Variants in PPIG observed in about 807,000 individuals in gnomAD.
The protein encoded by PPIG is peptidylprolyl isomerase G.
Under a neutral mutation model 87.9 loss-of-function variants are expected in PPIG, and 26 were observed. The observed-to-expected ratio is 0.30, with a 90% CI of 0.22 to 0.41. PPIG has a LOEUF of 0.41. Among genes scored for constraint, PPIG ranks in the 10% least tolerant of loss-of-function variants. The pLI, the probability that PPIG is intolerant of heterozygous loss-of-function variation, is 1.00. For synonymous variants in PPIG, 308 were observed against 276.5 expected (o/e 1.11, Z -1.13); for missense variants, 722 against 879.4 (o/e 0.82, Z 2.26).
At chr2:169,600,638 A>C (rs1685153988) in intron 1 of PPIG, among the ~76,000 whole-genome samples, 1 of 152,174 alleles carries the variant, frequency 6.6e-6, no homozygotes, top group African/African-American at 2.4e-5. Flanking sequence ...CATGACAGTG[A>C]GACACTTTAA....
chr2:169,637,054 G>T lies in PPIG; in HGVS notation c.1796G>T (p.Arg599Met). ...CATAGATACAGAGAACAGGAATACAGGAGAAGAGGACGGTCACGAAGCCGA... is the reference window on the plus strand; with the variant it reads ...CATAGATACAGAGAACAGGAATACATGAGAAGAGGACGGTCACGAAGCCGA... Reference protein sequence around the residue: ...EYHRYREQEYRRRGRSRSRER... With the variant: ...EYHRYREQEYMRRGRSRSRER... Residue 599 changes from arginine to methionine, a missense_variant, in exon 14 of 14, where the codon AGG becomes ATG. Arg to Met is a moderately conservative substitution (Grantham distance 91, BLOSUM62 -1). Coordinates refer to ENST00000260970, the MANE Select transcript of PPIG (RefSeq NM_004792.3). 1.2e-6 allele frequency: 2 copies of T among 1,613,698 alleles called. No homozygotes were observed. Among genetic ancestry groups the T allele is most frequent in the Non-Finnish European group, 1.7e-6 (2 of 1,179,902 alleles).
At chr2:169,595,323 A>G (rs1016970510) in intron 1 of PPIG, among the ~76,000 whole-genome samples, 1 of 152,230 alleles carries the variant, frequency 6.6e-6, no homozygotes, top group African/African-American at 2.4e-5. Context: ...GTTACGTGAG[A>G]TATTTTGATA....
intron 9 of PPIG, among the ~76,000 whole-genome samples, chr2:169,627,725 T>TTTTTA (rs1491338209): frequency 0.015 from 2,195 of 142,774 alleles, 84 homozygotes; most frequent in African/African-American, 0.056. Flanking sequence ...TTTTTTTTTT[T>TTTTTA]AATTTCAAAC....
At chr2:169,596,144 A>G (rs1296067027) in intron 1 of PPIG, among the ~76,000 whole-genome samples, 3 of 150,450 alleles carry the variant, frequency 2.0e-5, no homozygotes, top group Admixed American at 6.6e-5. Flanking sequence ...ACTCTTGCCC[A>G]GGCTGGAGTG....
In PPIG at chr2:169,593,491, G is replaced by C. The variant is rs558448559; in HGVS notation, c.-70+9001G>C. 5.3e-5 allele frequency among the ~76,000 whole-genome samples: 8 copies of C among 152,190 alleles called. No individual in the cohort carries two copies. The East Asian group carries it at 1.5e-3, about 29-fold the overall frequency. On this transcript the variant is annotated intron_variant, in intron 1 of 13. Transcript: ENST00000260970. ...TACATTTATTAAAGAAAACTAGAAA[G>C]AAGTAGTGAGGCAAAAGCCCTCTCC... is the stretch of plus-strand genomic sequence containing the variant.
rs567159502 is a variant in PPIG at position 169,612,041 on chromosome 2, T to A, written c.378-2423T>A. ...CCCAAGCTAGAGTGCAGTGGCACAATCATAGCTCACTGCGGCCTCAAACTC... is the reference window on the plus strand; with the variant it reads ...CCCAAGCTAGAGTGCAGTGGCACAAACATAGCTCACTGCGGCCTCAAACTC... On this transcript the variant is annotated intron_variant, in intron 7 of 13. Transcript: ENST00000260970. 1.1e-4 allele frequency among the ~76,000 whole-genome samples: 16 copies of A among 152,102 alleles called. 1 individual carries two copies. The highest frequency in any genetic ancestry group is 2.2e-4 in the Non-Finnish European group (15 of 68,026).
At chr2:169,630,477 A>T (rs1435647870) in intron 9 of PPIG, among the ~76,000 whole-genome samples, 1 of 152,134 alleles carries the variant, frequency 6.6e-6, no homozygotes, top group African/African-American at 2.4e-5. Context: ...CTTCATTGTT[A>T]TTCTGTGCTT....
At position 169,589,286 on chromosome 2, in the gene PPIG, C is replaced by T. The variant is rs73971639; in HGVS notation, c.-70+4796C>T. Among the ~76,000 whole-genome samples, 1,419 of 152,240 alleles carry T rather than the reference C, an allele frequency of 9.3e-3. 28 individuals carry two copies. Among genetic ancestry groups the T allele is most frequent in the African/African-American group, 0.032 (1,320 of 41,530 alleles). The stretch of plus-strand genomic sequence containing the variant: ...CCATCAGAAACATCAGTGGAAGGGA[C>T]ACTACATGAAATAGCATAATTGTCT... On this transcript the variant is annotated intron_variant, in intron 1 of 13. Transcript: ENST00000260970.
chr2:169,620,867 G>T (rs1685730232), intron 9 of PPIG, among the ~76,000 whole-genome samples: 1 of 152,074 alleles, frequency 6.6e-6, no homozygotes, highest in Non-Finnish European at 1.5e-5. Context: ...ATAGAAAGTA[G>T]TAAAACCTTA....
intron 7 of PPIG, among the ~76,000 whole-genome samples, chr2:169,609,961 T>TA (rs1558892338): frequency 1.3e-5 from 2 of 152,368 alleles, no homozygotes; most frequent in East Asian, 3.9e-4. Flanking sequence ...ACCTTCTCAC[T>TA]AAAATTTATT....
chr2:169,590,137 A>AAAAG (rs1559173032), intron 1 of PPIG, among the ~76,000 whole-genome samples: 3 of 151,800 alleles, frequency 2.0e-5, no homozygotes, highest in Non-Finnish European at 4.4e-5. Context: ...ACCAAAAAAA[A>AAAAG]AAAAGAAAAG....
At chr2:169,591,139 G>A (rs1464779729) in intron 1 of PPIG, among the ~76,000 whole-genome samples, 3 of 152,164 alleles carry the variant, frequency 2.0e-5, no homozygotes, top group African/African-American at 7.2e-5. Context: ...ACTTATAAAT[G>A]CCATGTCCGC....
rs541296470 is a variant in PPIG at position 169,608,843 on chromosome 2, G to A, written c.377+85G>A. On this transcript the variant is annotated intron_variant, in intron 7 of 13. Transcript: ENST00000260970. Reference sequence around the variant, plus strand: ...CATGCCTGTAATCCCAGGACTTTGGGAGGCTGAGGCGGGCGGATCACGAGG... The same window carrying A: ...CATGCCTGTAATCCCAGGACTTTGGAAGGCTGAGGCGGGCGGATCACGAGG... 2.1e-4 allele frequency: 184 copies of A among 873,126 alleles called. 5 individuals are homozygous for A. The highest frequency in any genetic ancestry group is 1.4e-3 in the South Asian group (95 of 70,132). 54.1% of individuals were successfully genotyped at this position (873,126 alleles called of 1,614,324 possible). A position where few individuals can be genotyped will look rare whatever the true frequency, so the allele number is the denominator to read the frequency against.
At chr2:169,584,694 A>G (rs991676932) in intron 1 of PPIG, 3 of 336,050 alleles carry the variant, frequency 8.9e-6, no homozygotes, top group Non-Finnish European at 1.7e-5. Flanking sequence ...CTGTTGCAGA[A>G]GGAGAAGGCT....
intron 7 of PPIG, among the ~76,000 whole-genome samples, chr2:169,609,362 A>G (rs1685425007): frequency 6.6e-6 from 1 of 151,960 alleles, no homozygotes; most frequent in South Asian, 2.1e-4. Flanking sequence ...GGTGTGTGCC[A>G]CCACACCTGG....
chr2:169,593,802 A>G (rs1684938955), intron 1 of PPIG, among the ~76,000 whole-genome samples: 1 of 140,940 alleles, frequency 7.1e-6, no homozygotes, highest in Non-Finnish European at 1.5e-5. Context: ...GCCCGCCACC[A>G]TGCCCGGCTA....
chr2:169,637,447 A>T lies in PPIG; in HGVS notation c.2189A>T (p.Asn730Ile). 1 of 1,611,438 alleles carries T rather than the reference A, an allele frequency of 6.2e-7. No homozygotes were observed. The highest frequency in any genetic ancestry group is 8.5e-7 in the Non-Finnish European group (1 of 1,179,394). ...AACCAAAAATCAAAAGGTCAAGAAA[A>T]TGACCATGTACATGAAAAAAATAAA... ...KENQKSKGQE[N>I]DHVHEKNKKF... The change falls in exon 14 of 14, where the codon AAT (asparagine) becomes ATT (isoleucine). Residue 730 changes from asparagine (N) to isoleucine (I), a missense_variant. By Grantham distance (149) the Asn-to-Ile change is moderately radical. Coordinates refer to ENST00000260970, the MANE Select transcript of PPIG (RefSeq NM_004792.3).
rs936429450 is a variant in PPIG, at chr2:169,637,883, T to C, written c.*360T>C. 2 of 160,156 alleles carry C rather than the reference T, an allele frequency of 1.2e-5. No individual in the cohort carries two copies. The highest frequency in any genetic ancestry group is 2.7e-5 in the Non-Finnish European group (2 of 73,444). 9.9% of individuals were successfully genotyped at this position (160,156 alleles called of 1,614,324 possible). A position where few individuals can be genotyped will look rare whatever the true frequency, so the allele number is the denominator to read the frequency against. On this transcript the variant is annotated 3_prime_UTR_variant, in exon 14 of 14. Coordinates refer to ENST00000260970, the MANE Select transcript of PPIG (RefSeq NM_004792.3). ...ATGCATTGTTGCAAAAGCTTGTGTT[T>C]CTCATGATTAAAGTAACTTTAGAAG...
intron 7 of PPIG, among the ~76,000 whole-genome samples, chr2:169,613,432 TAAA>T (rs1314616240): frequency 6.6e-6 from 1 of 152,134 alleles, no homozygotes; most frequent in African/African-American, 2.4e-5. Flanking sequence ...TTTTTAAAAA[TAAA>T]AAATCTTATA....
Sources: gnomAD v4.1 joint callset for allele counts (sites outside exome capture counted in the v4.1 genomes callset) on GRCh38, gnomAD v4.1.1 for gene constraint, MANE v1.5 for transcripts, NCBI Gene and HGNC (gene_info 2026-07-23, HGNC 2026-07-21) for gene names.